Variants in SDCBP observed in about 807,000 individuals in gnomAD.
SDCBP encodes syntenin-1.
SDCBP carries 22 observed loss-of-function variants against 30.5 expected under a neutral mutation model. The ratio of observed to expected loss-of-function variants is 0.72; its 90% CI spans 0.52 to 1.03. The LOEUF (loss-of-function observed/expected upper bound fraction) is 1.03. Ranked by LOEUF, SDCBP falls within the 50% of genes least tolerant of loss-of-function variation. SDCBP has a pLI of 0.00. For missense variants in SDCBP, 304 were observed against 369.9 expected (o/e 0.82, Z 1.46); for synonymous variants, 103 against 118.7 (o/e 0.87, Z 0.86).
At chr8:58,576,963 T>A (rs1187413820) in intron 5 of SDCBP, among the ~76,000 whole-genome samples, 2 of 152,226 alleles carry the variant, frequency 1.3e-5, no homozygotes, top group Admixed American at 1.3e-4. Context: ...CTCACTTGTA[T>A]GTCACTCAAA....
At chr8:58,569,996 G>A (rs1804926107) in intron 2 of SDCBP, among the ~76,000 whole-genome samples, 1 of 152,068 alleles carries the variant, frequency 6.6e-6, no homozygotes, top group Non-Finnish European at 1.5e-5. Flanking sequence ...ATTGATTTTA[G>A]GGCTAGGTTG....
chr8:58,573,987 C>T (rs919121666), intron 4 of SDCBP, among the ~76,000 whole-genome samples: 1 of 152,124 alleles, frequency 6.6e-6, no homozygotes, highest in African/African-American at 2.4e-5. Flanking sequence ...ATAATAAATA[C>T]CTTAGGCTTT....
Position 58,576,335 on chromosome 8 carries a change from T to C in SDCBP, c.402+274T>C, listed in dbSNP as rs141327739. The C allele has an allele frequency of 1.9e-3, 467 of 240,236 alleles. 1 individual carries two copies. Among genetic ancestry groups the C allele is most frequent in the African/African-American group, 0.01 (454 of 44,298 alleles). 14.9% of individuals were successfully genotyped at this position (240,236 alleles called of 1,614,324 possible). ...ACTGGCCTACATATATTATAGTTTG[T>C]ATAATAGAATTGTGGCAATTAAATA... On this transcript the variant is annotated intron_variant, in intron 5 of 8. Transcript: ENST00000260130.
chr8:58,557,199 A>G (rs1585674605), intron 1 of SDCBP, among the ~76,000 whole-genome samples: 1 of 127,186 alleles, frequency 7.9e-6, no homozygotes, highest in East Asian at 2.2e-4. Flanking sequence ...ATTATTATAT[A>G]TTAATATTAT....
intron 7 of SDCBP, among the ~76,000 whole-genome samples, chr8:58,580,158 C>T (rs904572624): frequency 2.0e-5 from 3 of 152,192 alleles, no homozygotes; most frequent in Admixed American, 6.5e-5. Context: ...TTCTCCTCCA[C>T]AAATTCCTAA....
At position 58,564,428 on chromosome 8, in the gene SDCBP, G is replaced by A. The variant is rs977803698; in HGVS notation, c.-15-591G>A. ...AAACATACTTCTACTTAATACAGAAGTATTTTAAATGAAAAGTAAAAATTT... is the reference window on the plus strand; with the variant it reads ...AAACATACTTCTACTTAATACAGAAATATTTTAAATGAAAAGTAAAAATTT... On this transcript the variant is annotated intron_variant, in intron 1 of 8. Coordinates refer to ENST00000260130, the MANE Select transcript of SDCBP (RefSeq NM_005625.4). 1.7e-4 allele frequency among the ~76,000 whole-genome samples: 26 copies of A among 152,254 alleles called. 1 individual carries two copies. Among genetic ancestry groups the A allele is most frequent in the Admixed American group, 6.5e-5 (1 of 15,292 alleles).
In SDCBP at chr8:58,572,212, T is replaced by C; in HGVS notation, c.138T>C (p.Tyr46=). Residue 46 remains tyrosine (Y), a synonymous_variant, in exon 4 of 9, where the codon TAT becomes TAC. Transcript: ENST00000260130. ...SAPIPHDGNL[Y]PRLYPELSQY... is the part of the protein sequence containing the mutation. ...TATTCATTTACTTTTTAGATCTCTA[T>C]CCCAGACTGTATCCAGAGCTCTCTC... 2.5e-6 allele frequency: 4 copies of C among 1,595,306 alleles called. No individual in the cohort carries two copies. Among genetic ancestry groups the C allele is most frequent in the Non-Finnish European group, 3.4e-6 (4 of 1,164,580 alleles).
intron 1 of SDCBP, among the ~76,000 whole-genome samples, chr8:58,558,100 G>T (rs1014198874): frequency 6.6e-6 from 1 of 152,114 alleles, no homozygotes; most frequent in Non-Finnish European, 1.5e-5. Context: ...ACTTAATGGA[G>T]CCCTTCAGAA....
chr8:58,555,187 C>T (rs1045244294), intron 1 of SDCBP, among the ~76,000 whole-genome samples: 1 of 152,144 alleles, frequency 6.6e-6, no homozygotes, highest in African/African-American at 2.4e-5. Flanking sequence ...TGCAGTGAAT[C>T]AACTTTTACA....
At chr8:58,571,579 A>G (rs1345019116) in intron 3 of SDCBP, among the ~76,000 whole-genome samples, 1 of 152,212 alleles carries the variant, frequency 6.6e-6, no homozygotes, top group Non-Finnish European at 1.5e-5. Flanking sequence ...TAGAAAATTC[A>G]TTTTAAGTCA....
chr8:58,566,768 G>A (rs1371597044), intron 2 of SDCBP, among the ~76,000 whole-genome samples: 1 of 152,044 alleles, frequency 6.6e-6, no homozygotes, highest in Admixed American at 6.6e-5. Flanking sequence ...ATGAAGGAAG[G>A]TAGTATTCAT....
At chr8:58,571,812 G>C (rs911029020) in intron 3 of SDCBP, among the ~76,000 whole-genome samples, 1 of 152,138 alleles carries the variant, frequency 6.6e-6, no homozygotes, top group African/African-American at 2.4e-5. Context: ...TTATAAAGTA[G>C]CTGACTTGAC....
At chr8:58,569,080 T>C (rs1804874678) in intron 2 of SDCBP, among the ~76,000 whole-genome samples, 1 of 152,048 alleles carries the variant, frequency 6.6e-6, no homozygotes, top group African/African-American at 2.4e-5. Flanking sequence ...TCTGGCTCTG[T>C]CACCAGGCTG....
chr8:58,572,419 A>T, intron 4 of SDCBP, 105 bp downstream of exon 4: 1 of 682,422 alleles, frequency 1.5e-6, no homozygotes, highest in Non-Finnish European at 2.5e-6. Flanking sequence ...CTAGCATTGA[A>T]CCTCACTTCT....
At chr8:58,576,150 TA>T (rs1398263541) in intron 5 of SDCBP, 89 bp downstream of exon 5, 3 of 959,702 alleles carry the variant, frequency 3.1e-6, no homozygotes. Context: ...GGAAATGCTT[TA>T]ATTATAATAG....
chr8:58,580,478 G>A, intron 7 of SDCBP, 39 bp from the exon 8 acceptor site: 3 of 971,798 alleles, frequency 3.1e-6, no homozygotes. Flanking sequence ...ATTAAATAAA[G>A]CCTCTGTGGA....
chr8:58,565,064 A>G lies in SDCBP; in HGVS notation c.31A>G (p.Lys11Glu), dbSNP rs1804631156. 1 of 1,583,510 alleles carries G rather than the reference A, an allele frequency of 6.3e-7. No individual in the cohort carries two copies. Among genetic ancestry groups the G allele is most frequent in the Non-Finnish European group, 8.6e-7 (1 of 1,159,350 alleles). The change falls in exon 2 of 9, where the codon AAG becomes GAG. Residue 11 changes from lysine to glutamate, a missense_variant. Transcript: ENST00000260130. ...TCTCTATCCATCTCTCGAAGACTTG[A>G]AGGTAGACAAAGTAATTCAGGTATG... Reference protein sequence around the residue: MSLYPSLEDLKVDKVIQAQTA... With the variant: MSLYPSLEDLEVDKVIQAQTA...
intron 5 of SDCBP, 59 bp downstream of exon 5, chr8:58,576,120 A>G: frequency 8.1e-7 from 1 of 1,229,356 alleles, no homozygotes; most frequent in South Asian, 1.4e-5. Flanking sequence ...TAAGTGATTA[A>G]TGTTAAAATA....
In SDCBP at chr8:58,578,071, C is replaced by T. The variant is rs985066646; in HGVS notation, c.441C>T (p.Ala147=). 6.2e-7 allele frequency: 1 copy of T among 1,613,814 alleles called. No individual in the cohort carries two copies. The highest frequency in any genetic ancestry group is 8.5e-7 in the Non-Finnish European group (1 of 1,179,812). ...AGCTAGTCCAGGCTAATTCTCCAGC[C>T]TCATTGGTTGGTCTGAGATTTGGGG... The part of the protein sequence containing the change: ...FVQLVQANSP[A]SLVGLRFGDQ... The change falls in exon 6 of 9, where the codon GCC becomes GCT. Residue 147 remains alanine, a synonymous_variant. Coordinates refer to ENST00000260130, the MANE Select transcript of SDCBP (RefSeq NM_005625.4).
Sources: gnomAD v4.1 joint callset for allele counts (sites outside exome capture counted in the v4.1 genomes callset) on GRCh38, gnomAD v4.1.1 for gene constraint, MANE v1.5 for transcripts, NCBI Gene and HGNC (gene_info 2026-07-23, HGNC 2026-07-21) for gene names.